The following SNX29 variants were observed in gnomAD, a reference collection of about 807,000 sequenced individuals.
SNX29 encodes the protein sorting nexin-29.
SNX29 carries 78 observed loss-of-function variants against 102.1 expected under a neutral mutation model. That is an observed-to-expected ratio of 0.76 (90% confidence interval 0.64 to 0.92). The LOEUF is 0.92. SNX29 is among the 40% of genes least tolerant of loss of function. The pLI, the probability that SNX29 is intolerant of heterozygous loss-of-function variation, is 0.00. For synonymous variants in SNX29, 580 were observed against 414.5 expected (o/e 1.40, Z -4.85); for missense variants, 1,280 against 1,061.7 (o/e 1.21, Z -2.86).
intron 13 of SNX29, among the ~76,000 whole-genome samples, chr16:12,168,582 A>C (rs1284888827): frequency 6.6e-6 from 1 of 152,140 alleles, no homozygotes; most frequent in Non-Finnish European, 1.5e-5. Context: ...GTGACCTTGG[A>C]ATGTGCCTTG....
intron 13 of SNX29, among the ~76,000 whole-genome samples, chr16:12,190,321 C>T (rs1236866403): frequency 6.6e-6 from 1 of 151,986 alleles, no homozygotes; most frequent in Non-Finnish European, 1.5e-5. Context: ...GGCAATATTT[C>T]ATGGTACAGA....
In SNX29 at chr16:12,574,040, A is replaced by C. The variant is rs988022687; in HGVS notation, c.*5411A>C. On this transcript the variant is annotated 3_prime_UTR_variant, in exon 21 of 21. Transcript: ENST00000566228. ...GCAGGCCACATATCTAGAGTCTGAT[A>C]GTCTGTGTGTACATAAGGTCTAGAA... is the stretch of plus-strand genomic sequence containing the variant. The C allele has an allele frequency of 1.0e-5, 2 of 194,832 alleles. No homozygotes were observed. The highest frequency in any genetic ancestry group is 6.1e-5 in the Admixed American group (1 of 16,386). 12.1% of individuals were successfully genotyped at this position (194,832 alleles called of 1,614,324 possible). A position where few individuals can be genotyped will look rare whatever the true frequency, so the allele number is the denominator to read the frequency against.
intron 4 of SNX29, among the ~76,000 whole-genome samples, chr16:12,030,852 C>T (rs548075832): frequency 1.3e-4 from 20 of 152,110 alleles, no homozygotes; most frequent in Non-Finnish European, 2.1e-4. Context: ...TGACAGGCAG[C>T]GGCAGGTCTG....
chr16:12,473,836 T>G (rs572780187), intron 18 of SNX29, among the ~76,000 whole-genome samples: 9 of 152,162 alleles, frequency 5.9e-5, no homozygotes, highest in Non-Finnish European at 1.0e-4. Flanking sequence ...AGGAAGTTAC[T>G]CTATATGGTC....
rs532546671 is a variant in SNX29 at position 12,030,402 on chromosome 16, T to C, written c.247+2958T>C. 3.9e-5 allele frequency among the ~76,000 whole-genome samples: 6 copies of C among 152,352 alleles called. No individual in the cohort carries two copies. In the South Asian group the frequency reaches 1.2e-3, roughly 32 times the overall value. On this transcript the variant is annotated intron_variant, in intron 4 of 20. Coordinates refer to ENST00000566228, the MANE Select transcript of SNX29 (RefSeq NM_032167.5). ...TCATCCATATGTGTTCCTGTGTTTC[T>C]TGCTTAGTAAATGGCTCTGCCTTTT...
At chr16:12,061,461 C>G in intron 8 of SNX29, 67 bp from the exon 9 acceptor site, 1 of 1,328,390 alleles carries the variant, frequency 7.5e-7, no homozygotes, top group Non-Finnish European at 1.0e-6. Context: ...GCTGTGGATG[C>G]TTGTTGGTGA....
At chr16:12,414,612 C>G (rs1259326016) in intron 18 of SNX29, among the ~76,000 whole-genome samples, 2 of 152,140 alleles carry the variant, frequency 1.3e-5, no homozygotes, top group Admixed American at 1.3e-4. Flanking sequence ...TTTTCTGCTC[C>G]CTCACCTGAA....
intron 14 of SNX29, among the ~76,000 whole-genome samples, chr16:12,234,198 A>G (rs1198480528): frequency 2.0e-5 from 3 of 152,132 alleles, no homozygotes; most frequent in African/African-American, 7.2e-5. Flanking sequence ...GTCCTCACCA[A>G]ACACTTGTTA....
chr16:12,390,134 T>TGC (rs2083471339), intron 16 of SNX29, among the ~76,000 whole-genome samples: 1 of 149,496 alleles, frequency 6.7e-6, no homozygotes. Flanking sequence ...TGTTACCCCG[T>TGC]GCGTGCAATT....
chr16:12,127,911 C>A (rs1399925483), intron 12 of SNX29, among the ~76,000 whole-genome samples: 1 of 152,156 alleles, frequency 6.6e-6, no homozygotes, highest in African/African-American at 2.4e-5. Flanking sequence ...CCCTGAACTT[C>A]TGCAAGCATG....
Position 12,572,482 on chromosome 16 carries a change from T to G in SNX29, c.*3853T>G, listed in dbSNP as rs2079208235. On this transcript the variant is annotated 3_prime_UTR_variant, in exon 21 of 21. Transcript: ENST00000566228. ...TTTTGCCAACCCTGAGGACCAGTTCTTGGGGTTCCAGGCCTCGGCCTTCCT... is the reference window on the plus strand; with the variant it reads ...TTTTGCCAACCCTGAGGACCAGTTCGTGGGGTTCCAGGCCTCGGCCTTCCT... 5 of 1,063,768 alleles carry G rather than the reference T, an allele frequency of 4.7e-6. No homozygotes were observed. In the South Asian group the frequency reaches 1.8e-4, roughly 39 times the overall value. 65.9% of individuals were successfully genotyped at this position (1,063,768 alleles called of 1,614,324 possible).
At chr16:12,375,829 C>G (rs924114036) in intron 16 of SNX29, 1 of 151,994 alleles carries the variant, frequency 6.6e-6, no homozygotes, top group East Asian at 1.9e-4. Context: ...GTCAGGAGTT[C>G]GAGACCAGCC....
intron 11 of SNX29, chr16:12,088,304 T>A: frequency 2.8e-6 from 1 of 359,348 alleles, no homozygotes; most frequent in South Asian, 2.1e-5. Context: ...GTGGGTGTTT[T>A]CATGTTGCTA....
At chr16:12,466,687 T>C (rs1388078800) in intron 18 of SNX29, among the ~76,000 whole-genome samples, 1 of 152,136 alleles carries the variant, frequency 6.6e-6, no homozygotes, top group African/African-American at 2.4e-5. Flanking sequence ...AAAGCATGGA[T>C]AGTTTCATGC....
intron 20 of SNX29, among the ~76,000 whole-genome samples, chr16:12,538,842 CAA>C (rs761196052): frequency 2.6e-5 from 4 of 152,122 alleles, no homozygotes; most frequent in Non-Finnish European, 5.9e-5. Flanking sequence ...AGTCACGTGG[CAA>C]AGAGGGGCAC....
At chr16:12,445,211 A>G (rs2085995196) in intron 18 of SNX29, among the ~76,000 whole-genome samples, 2 of 151,142 alleles carry the variant, frequency 1.3e-5, no homozygotes, top group South Asian at 2.1e-4. Context: ...CCATTCATTA[A>G]TTTAATGTCT....
chr16:12,562,913 C>T (rs929467679), intron 20 of SNX29, among the ~76,000 whole-genome samples: 3 of 152,162 alleles, frequency 2.0e-5, no homozygotes, highest in Non-Finnish European at 2.9e-5. Flanking sequence ...GCTTGAGATT[C>T]GTCCATGTTG....
chr16:12,278,229 A>G (rs561684129), intron 15 of SNX29, among the ~76,000 whole-genome samples, 193 bp downstream of exon 15: 1 of 152,350 alleles, frequency 6.6e-6, no homozygotes, highest in African/African-American at 2.4e-5. Flanking sequence ...GAAAAATGTC[A>G]CTTAAATATT....
chr16:11,998,991 G>T (rs949473121), intron 1 of SNX29, among the ~76,000 whole-genome samples: 7 of 152,224 alleles, frequency 4.6e-5, no homozygotes, highest in African/African-American at 1.4e-4. Flanking sequence ...AGGGGTTTGT[G>T]TGTGCTAATG....
Sources: gnomAD v4.1 joint callset for allele counts (sites outside exome capture counted in the v4.1 genomes callset) on GRCh38, gnomAD v4.1.1 for gene constraint, MANE v1.5 for transcripts, NCBI Gene and HGNC (gene_info 2026-07-23, HGNC 2026-07-21) for gene names.